The following STK38L variants were observed in gnomAD, a reference collection of about 807,000 sequenced individuals.
STK38L encodes serine/threonine kinase 38 like.
STK38L carries 28 observed loss-of-function variants against 59.7 expected under a neutral mutation model. The ratio of observed to expected loss-of-function variants is 0.47; its 90% CI spans 0.35 to 0.64. The LOEUF (loss-of-function observed/expected upper bound fraction) is 0.64, where lower values mean the gene tolerates loss of function less well. Ranked by LOEUF, STK38L falls within the 30% of genes least tolerant of loss-of-function variation. The pLI is 0.01. For missense variants in STK38L, 314 were observed against 555.8 expected (o/e 0.56, Z 4.37); for synonymous variants, 162 against 176.8 (o/e 0.92, Z 0.66).
intron 1 of STK38L, among the ~76,000 whole-genome samples, chr12:27,260,429 A>G (rs890016796): frequency 1.3e-5 from 2 of 152,194 alleles, no homozygotes; most frequent in African/African-American, 4.8e-5. Flanking sequence ...AGGGAACCTA[A>G]TAAGTGTGAA....
chr12:27,245,866 G>C (rs1942839686), intron 1 of STK38L: 1 of 152,166 alleles, frequency 6.6e-6, no homozygotes, highest in Admixed American at 6.5e-5. Flanking sequence ...TCCTTGTTAA[G>C]ATGGCTGATA....
At chr12:27,312,773 A>T in intron 6 of STK38L, 101 bp downstream of exon 6, 1 of 1,394,254 alleles carries the variant, frequency 7.2e-7, no homozygotes, top group Non-Finnish European at 9.8e-7. Flanking sequence ...CTTTGCTCTG[A>T]GGCTTTACAT....
chr12:27,296,231 T>C (rs1377509592), intron 1 of STK38L, among the ~76,000 whole-genome samples: 1 of 152,234 alleles, frequency 6.6e-6, no homozygotes, highest in East Asian at 1.9e-4. Flanking sequence ...GAGTTGTTCT[T>C]ATTGATCATA....
chr12:27,255,832 C>T (rs946700447), intron 1 of STK38L, among the ~76,000 whole-genome samples: 3 of 152,114 alleles, frequency 2.0e-5, no homozygotes, highest in Admixed American at 1.3e-4. Context: ...CCGTCCTGAT[C>T]TTAAGACCCC....
intron 1 of STK38L, among the ~76,000 whole-genome samples, chr12:27,266,511 C>T (rs1286193364): frequency 2.6e-5 from 4 of 152,310 alleles, no homozygotes; most frequent in Admixed American, 2.0e-4. Context: ...TTATATTACA[C>T]CTAGATCTTT....
At chr12:27,304,807 C>CT (rs1944267531) in intron 3 of STK38L, among the ~76,000 whole-genome samples, 2 of 152,014 alleles carry the variant, frequency 1.3e-5, no homozygotes, top group Non-Finnish European at 2.9e-5. Flanking sequence ...GTGAGATAAG[C>CT]TGGCCAGGTT....
intron 1 of STK38L, among the ~76,000 whole-genome samples, chr12:27,255,955 C>T (rs1279651479): frequency 1.3e-5 from 2 of 152,204 alleles, no homozygotes; most frequent in African/African-American, 4.8e-5. Flanking sequence ...CATTCTTGTG[C>T]TCCTTAGCTT....
At chr12:27,244,956 G>A (rs1942818199) in intron 1 of STK38L, among the ~76,000 whole-genome samples, 1 of 151,982 alleles carries the variant, frequency 6.6e-6, no homozygotes, top group Non-Finnish European at 1.5e-5. Context: ...CTTTAGTATC[G>A]AGGTCGAACG....
At chr12:27,254,347 C>G (rs1016615499) in intron 1 of STK38L, among the ~76,000 whole-genome samples, 1 of 152,182 alleles carries the variant, frequency 6.6e-6, no homozygotes, top group Admixed American at 6.5e-5. Context: ...AAAAATAACA[C>G]AGTTTAATAA....
At chr12:27,250,827 C>T (rs61915864) in intron 1 of STK38L, among the ~76,000 whole-genome samples, 13,989 of 151,718 alleles carry the variant, frequency 0.092, 825 homozygotes, top group Non-Finnish European at 0.13. Flanking sequence ...GGCCAAACCT[C>T]GTCTCTACTA....
rs887848651 is a variant in STK38L at position 27,314,555 on chromosome 12, C to T, written c.569C>T (p.Thr190Ile). The change falls in exon 7 of 14, where the codon ACA becomes ATA. Residue 190 changes from threonine (T) to isoleucine (I), a missense_variant. Thr to Ile is a moderately conservative substitution (Grantham distance 89). This residue lies in a region of STK38L where 192 missense variants were observed against 316.9 expected (regional missense o/e 0.61). Transcript: ENST00000389032. ...MKKDTLTEEE[T>I]QFYISETVLA... ...AAAGACACCTTGACAGAAGAGGAAACACAGTTCTACATTTCAGAGACTGTT... is the reference window on the plus strand; with the variant it reads ...AAAGACACCTTGACAGAAGAGGAAATACAGTTCTACATTTCAGAGACTGTT... 2.5e-6 allele frequency: 4 copies of T among 1,603,076 alleles called. No homozygotes were observed. Among genetic ancestry groups the T allele is most frequent in the African/African-American group, 2.7e-5 (2 of 74,122 alleles).
At chr12:27,264,119 G>T (rs1389226719) in intron 1 of STK38L, among the ~76,000 whole-genome samples, 4 of 152,130 alleles carry the variant, frequency 2.6e-5, no homozygotes, top group African/African-American at 9.7e-5. Flanking sequence ...CAAATTATGG[G>T]CTTTAATAAA....
intron 3 of STK38L, among the ~76,000 whole-genome samples, chr12:27,304,487 TTTAAAA>T (rs1340628456): frequency 6.6e-6 from 1 of 152,120 alleles, no homozygotes; most frequent in African/African-American, 2.4e-5. Flanking sequence ...TGTTTTTACA[TTTAAAA>T]TTATCTATCA....
At chr12:27,275,535 C>T (rs1943516494) in intron 1 of STK38L, among the ~76,000 whole-genome samples, 1 of 151,824 alleles carries the variant, frequency 6.6e-6, no homozygotes, top group Non-Finnish European at 1.5e-5. Context: ...AGATGGGTTT[C>T]ACCATGTTGG....
rs1370983476 is a variant in STK38L at position 27,308,093 on chromosome 12, T to TAC, written c.187-244_187-243dup. 1.4e-5 allele frequency among the ~76,000 whole-genome samples: 1 copy of TAC among 73,730 alleles called. No individual in the cohort carries two copies. Among genetic ancestry groups the TAC allele is most frequent in the African/African-American group, 5.6e-5 (1 of 17,734 alleles). The allele number at this position is 73,730 out of a possible 152,430, so 48.4% of individuals were successfully genotyped here. On this transcript the variant is annotated intron_variant, in intron 3 of 13. Coordinates refer to ENST00000389032, the MANE Select transcript of STK38L (RefSeq NM_015000.4). The surrounding 1 kb of genome is among the most constrained non-coding windows in gnomAD (Gnocchi z 4.5). ...ACCATATAGATGAAAGAATAAGTTATACATATATATATATATAGACAAATA... is the reference window on the plus strand; with the variant it reads ...ACCATATAGATGAAAGAATAAGTTATACACATATATATATATATAGACAAATA...
intron 11 of STK38L, 130 bp from the exon 12 acceptor site, chr12:27,319,198 C>T (rs1009391347): frequency 1.2e-5 from 7 of 594,108 alleles, no homozygotes; most frequent in African/African-American, 1.1e-4. Context: ...ACATTTCCTA[C>T]AATAAACATA....
chr12:27,252,215 G>A (rs77290336), intron 1 of STK38L, among the ~76,000 whole-genome samples: 24,656 of 152,062 alleles, frequency 0.16, 2,283 homozygotes, highest in African/African-American at 0.26. Context: ...TCCTGACCTC[G>A]TGATCCGCCT....
chr12:27,296,777 G>T (rs1477968191), intron 1 of STK38L, among the ~76,000 whole-genome samples: 1 of 152,198 alleles, frequency 6.6e-6, no homozygotes, highest in Admixed American at 6.5e-5. Flanking sequence ...GTCTCTTAGG[G>T]TCAGTGGCCA....
At chr12:27,314,045 T>C (rs1160667646) in intron 6 of STK38L, among the ~76,000 whole-genome samples, 2 of 152,214 alleles carry the variant, frequency 1.3e-5, no homozygotes, top group Admixed American at 1.3e-4. Context: ...TGCTATGCAA[T>C]AGCACTTTTA....
Sources: allele counts gnomAD v4.1 joint callset (sites outside exome capture counted in the v4.1 genomes callset), GRCh38; gene constraint gnomAD v4.1.1; regional missense constraint gnomAD v4.1.1; non-coding constraint Gnocchi (gnomAD v3.1); transcripts MANE v1.5; gene names NCBI Gene and HGNC (gene_info 2026-07-23, HGNC 2026-07-21).